CDK17: variants seen among roughly 807,000 people sequenced by gnomAD.
The protein encoded by CDK17 is cyclin-dependent kinase 17.
A neutral mutation model predicts 77.6 loss-of-function variants in CDK17; 24 were observed. The observed-to-expected ratio is 0.31, with a 90% CI of 0.22 to 0.44. The LOEUF is 0.44. Ranked by LOEUF, CDK17 falls within the 20% of genes least tolerant of loss-of-function variation. The probability of loss-of-function intolerance (pLI) is 1.00; values close to 1 mark genes in which losing one functional copy is unlikely to be tolerated. For synonymous variants in CDK17, 203 were observed against 210.4 expected (o/e 0.96, Z 0.30); for missense variants, 429 against 622.5 (o/e 0.69, Z 3.31).
intron 1 of CDK17, among the ~76,000 whole-genome samples, chr12:96,356,414 GCCC>G (rs1223140515): frequency 6.6e-6 from 1 of 152,144 alleles, no homozygotes; most frequent in Non-Finnish European, 1.5e-5. Flanking sequence ...TTTTGCCTCA[GCCC>G]CCCAAGTCGC....
intron 15 of CDK17, chr12:96,281,631 T>C (rs368077616): frequency 2.6e-5 from 4 of 152,402 alleles, no homozygotes; most frequent in Admixed American, 1.3e-4. Flanking sequence ...CCTCCCAAAG[T>C]GCTGGGATTA....
chr12:96,287,215 A>G (rs919107917), intron 11 of CDK17, among the ~76,000 whole-genome samples: 3 of 152,158 alleles, frequency 2.0e-5, no homozygotes, highest in Non-Finnish European at 4.4e-5. Context: ...AAATGGAGAG[A>G]AACAAATGAT....
intron 7 of CDK17, 46 bp from the exon 8 acceptor site, chr12:96,297,767 T>A: frequency 9.5e-7 from 1 of 1,054,750 alleles, no homozygotes; most frequent in East Asian, 2.4e-5. Context: ...GCAGTCTTTA[T>A]AAAAACCTGA....
chr12:96,296,486 A>T (rs1034161388), intron 9 of CDK17, among the ~76,000 whole-genome samples: 1 of 152,184 alleles, frequency 6.6e-6, no homozygotes, highest in African/African-American at 2.4e-5. Flanking sequence ...CAAACTTAAT[A>T]TTTTTTTAAA....
chr12:96,371,770 C>T (rs1257732919), intron 1 of CDK17, among the ~76,000 whole-genome samples: 1 of 152,060 alleles, frequency 6.6e-6, no homozygotes, highest in Non-Finnish European at 1.5e-5. Flanking sequence ...ATTTCATTTC[C>T]CTTCAAAAAT....
intron 1 of CDK17, among the ~76,000 whole-genome samples, chr12:96,389,808 G>A (rs1173567653): frequency 1.4e-5 from 2 of 144,732 alleles, no homozygotes; most frequent in East Asian, 2.1e-4. Flanking sequence ...TACTATAGAA[G>A]AGGGTTTTTT....
chr12:96,373,379 G>C (rs3925974), intron 1 of CDK17, among the ~76,000 whole-genome samples: 65,606 of 151,184 alleles, frequency 0.43, 15,254 homozygotes, highest in African/African-American at 0.6. Context: ...GATAACCTGA[G>C]GTCAAGAGTT....
At chr12:96,313,756 AT>A (rs1348421706) in intron 3 of CDK17, among the ~76,000 whole-genome samples, 1 of 152,174 alleles carries the variant, frequency 6.6e-6, no homozygotes, top group African/African-American at 2.4e-5. Context: ...CAGTTCTTTC[AT>A]TTTCTAGATC....
At chr12:96,297,399 T>TA (rs769240017) in intron 8 of CDK17, 67 bp from the exon 9 acceptor site, 86 of 1,069,332 alleles carry the variant, frequency 8.0e-5, no homozygotes, top group Non-Finnish European at 1.1e-4. Context: ...GTTCACTTAA[T>TA]AGTGTTTTTC....
intron 1 of CDK17, among the ~76,000 whole-genome samples, chr12:96,358,835 C>G (rs1953448536): frequency 1.7e-5 from 2 of 117,394 alleles, no homozygotes; most frequent in Non-Finnish European, 1.8e-5. Flanking sequence ...TCCGTGCCCG[C>G]CCCCACCCCA....
At chr12:96,323,422 T>C (rs1414960204) in intron 3 of CDK17, among the ~76,000 whole-genome samples, 2 of 151,970 alleles carry the variant, frequency 1.3e-5, no homozygotes, top group African/African-American at 4.8e-5. Context: ...CACCACTGCA[T>C]TCCCCTCCAG....
At chr12:96,291,416 CAA>C (rs1397977033) in intron 10 of CDK17, among the ~76,000 whole-genome samples, 1 of 152,054 alleles carries the variant, frequency 6.6e-6, no homozygotes, top group Non-Finnish European at 1.5e-5. Flanking sequence ...CTCAGCCTCC[CAA>C]CTGGCTGGGA....
intron 1 of CDK17, among the ~76,000 whole-genome samples, chr12:96,388,263 G>T (rs1481500341): frequency 6.6e-6 from 1 of 152,164 alleles, no homozygotes; most frequent in Non-Finnish European, 1.5e-5. Context: ...AGAAATATTT[G>T]GTTGGCCCTA....
intron 3 of CDK17, among the ~76,000 whole-genome samples, chr12:96,315,490 G>T (rs1952698458): frequency 6.6e-6 from 1 of 152,148 alleles, no homozygotes; most frequent in South Asian, 2.1e-4. Flanking sequence ...TAATGTATTG[G>T]TGATTGATTC....
rs780889736 is a variant in CDK17 at position 96,279,308 on chromosome 12, T to C, written c.*934A>G. 46 of 152,352 alleles carry C rather than the reference T, an allele frequency of 3.0e-4. No individual in the cohort carries two copies. The highest frequency in any genetic ancestry group is 9.6e-4 in the African/African-American group (40 of 41,598). 9.4% of individuals were successfully genotyped at this position (152,352 alleles called of 1,614,324 possible). A position where few individuals can be genotyped will look rare whatever the true frequency, so the allele number is the denominator to read the frequency against. On this transcript the variant is annotated 3_prime_UTR_variant, in exon 17 of 17. Coordinates refer to ENST00000261211, the MANE Select transcript of CDK17 (RefSeq NM_002595.5). The stretch of plus-strand genomic sequence containing the variant: ...TTCAGCTGATTCCAAGTGAATGTTA[T>C]TGAAACACATAGCCCCCAAATGAAA...
Position 96,279,966 on chromosome 12 carries a change from C to T in CDK17, c.*276G>A. 2.9e-6 allele frequency: 1 copy of T among 346,824 alleles called. No individual in the cohort carries two copies. Among genetic ancestry groups the T allele is most frequent in the South Asian group, 9.7e-5 (1 of 10,318 alleles). 21.5% of individuals were successfully genotyped at this position (346,824 alleles called of 1,614,324 possible). ...AAATAATGCACTGTGTTTCTCAGTC[C>T]TGCACAAAAATTGCAGCTATAGTTA... On this transcript the variant is annotated 3_prime_UTR_variant, in exon 17 of 17. Coordinates refer to ENST00000261211, the MANE Select transcript of CDK17 (RefSeq NM_002595.5).
At chr12:96,350,944 A>T (rs919404617) in intron 1 of CDK17, among the ~76,000 whole-genome samples, 1 of 152,200 alleles carries the variant, frequency 6.6e-6, no homozygotes, top group African/African-American at 2.4e-5. Flanking sequence ...CAAATCATAT[A>T]TCTGACAAGA....
chr12:96,289,938 C>T (rs905862478), intron 10 of CDK17, among the ~76,000 whole-genome samples: 4 of 151,942 alleles, frequency 2.6e-5, no homozygotes, highest in Non-Finnish European at 5.9e-5. Context: ...CAGGGGTGTC[C>T]AATCTTTTAG....
intron 8 of CDK17, 77 bp downstream of exon 8, chr12:96,297,550 A>G: frequency 1.9e-6 from 2 of 1,054,198 alleles, no homozygotes; most frequent in South Asian, 2.7e-5. Context: ...AAAGAAAAAT[A>G]AAAAACAAAC....
Sources: allele counts gnomAD v4.1 joint callset (sites outside exome capture counted in the v4.1 genomes callset), GRCh38; gene constraint gnomAD v4.1.1; transcripts MANE v1.5; gene names NCBI Gene and HGNC (gene_info 2026-07-23, HGNC 2026-07-21).